The following DNAH1 variants were observed in gnomAD, a reference collection of about 807,000 sequenced individuals.
DNAH1 encodes the protein dynein axonemal heavy chain 1, also known as axonemal beta dynein heavy chain 1.
In DNAH1, 327 loss-of-function variants were observed where a neutral mutation model predicts 484.3. The observed-to-expected ratio is 0.68, with a 90% confidence interval of 0.62 to 0.74. The LOEUF (loss-of-function observed/expected upper bound fraction) is 0.74. DNAH1 is among the 30% of genes least tolerant of loss of function. DNAH1 has a pLI of 0.00. For synonymous variants in DNAH1, 2,192 were observed against 2,191.9 expected (o/e 1.00, Z 0.00); for missense variants, 5,052 against 5,546.8 (o/e 0.91, Z 2.83).
chr3:52,392,896 G>A lies in DNAH1; in HGVS notation c.10345G>A (p.Val3449Met), dbSNP rs757371106. The change falls in exon 65 of 78, where the codon GTG (valine) becomes ATG (methionine). Residue 3449 changes from valine (V) to methionine (M), a missense_variant. By Grantham distance (21) the Val-to-Met change is conservative. Coordinates refer to ENST00000420323, the MANE Select transcript of DNAH1 (RefSeq NM_015512.5). ...CCTGACGCGCATGGAGTACATACCC[G>A]TGGCCATCCGCACCCAGATCCTCTT... ...IDLTRMEYIPVAIRTQILFFC... is the reference protein window; with the variant it reads ...IDLTRMEYIPMAIRTQILFFC... The A allele has an allele frequency of 5.2e-5, 84 of 1,608,916 alleles. No homozygotes were observed. The highest frequency in any genetic ancestry group is 5.8e-5 in the Non-Finnish European group (68 of 1,178,758).
At chr3:52,335,658 G>C (rs1393814907) in intron 8 of DNAH1, among the ~76,000 whole-genome samples, 1 of 149,362 alleles carries the variant, frequency 6.7e-6, no homozygotes, top group Admixed American at 6.7e-5. Flanking sequence ...TTTTGAGATG[G>C]AGTTTTGTTC....
At chr3:52,349,518 G>A in intron 14 of DNAH1, 98 bp downstream of exon 14, 1 of 1,164,512 alleles carries the variant, frequency 8.6e-7, no homozygotes, top group Non-Finnish European at 1.2e-6. Flanking sequence ...CCCAAGCAGG[G>A]TCTGGGGTGT....
In DNAH1 at chr3:52,399,026, G is replaced by A; in HGVS notation, c.12266G>A (p.Trp4089Ter). The A allele has an allele frequency of 4.3e-6, 7 of 1,614,042 alleles. No homozygotes were observed. The highest frequency in any genetic ancestry group is 1.3e-5 in the African/African-American group (1 of 75,068). Residue 4089 changes from tryptophan (W) to a stop codon, truncating the protein, a stop_gained, in exon 76 of 78, where the codon TGG becomes TAG. Coordinates refer to ENST00000420323, the MANE Select transcript of DNAH1 (RefSeq NM_015512.5). LOFTEE classifies it high-confidence loss of function. The part of the protein sequence containing the change: ...AYPSLKPLSS[W>*]VMDLLQRLDF... ...CCATCGCTCAAGCCTCTGTCATCATGGGTCATGGACCTGCTGCAACGCCTG... is the reference window on the plus strand; with the variant it reads ...CCATCGCTCAAGCCTCTGTCATCATAGGTCATGGACCTGCTGCAACGCCTG...
At chr3:52,356,853 C>A in intron 22 of DNAH1, 75 bp downstream of exon 22, 1 of 1,499,784 alleles carries the variant, frequency 6.7e-7, no homozygotes, top group Non-Finnish European at 9.0e-7. Context: ...GCCTCCTAGT[C>A]TCTTCCCTCC....
intron 2 of DNAH1, 116 bp downstream of exon 2, chr3:52,322,891 ATCTATCCATCTGTCTT>A: frequency 1.1e-6 from 1 of 929,078 alleles, no homozygotes; most frequent in Non-Finnish European, 1.7e-6. Context: ...CTGTCTATCG[ATCTATCCATCTGTCTT>A]TCTATCCATC....
chr3:52,394,636 A>G lies in DNAH1; in HGVS notation c.10798A>G (p.Ile3600Val), dbSNP rs773579487. 1 of 1,584,206 alleles carries G rather than the reference A, an allele frequency of 6.3e-7. No individual in the cohort carries two copies. The highest frequency in any genetic ancestry group is 1.7e-5 in the Admixed American group (1 of 58,600). The part of the protein sequence containing the change: ...FVKHLSEFRV[I>V]FDSLEPHREP... ...GAAGCACCTCTCAGAATTCCGGGTC[A>G]TCTTCGACAGCCTTGAGCCCCACCG... is the stretch of plus-strand genomic sequence containing the variant. The change falls in exon 67 of 78, where the codon ATC (isoleucine) becomes GTC (valine). Residue 3600 changes from isoleucine (I) to valine (V), a missense_variant. Ile to Val is a conservative substitution (Grantham distance 29). This residue lies in a region of DNAH1 where 853 missense variants were observed against 899.0 expected (regional missense o/e 0.95). Transcript: ENST00000420323.
In DNAH1 at chr3:52,364,195, C is replaced by A. The variant is rs1208699060; in HGVS notation, c.5245-443C>A. ...TCACTTACTGTGTAATGAAGAGAAA[C>A]AGGCTGGGGGAAAAAGCATGGTGGT... On this transcript the variant is annotated intron_variant, in intron 32 of 77. Transcript: ENST00000420323. This position sits in a 1 kb window ranked among gnomAD's most constrained non-coding sequence, Gnocchi z 4.2. 6.6e-6 allele frequency among the ~76,000 whole-genome samples: 1 copy of A among 152,148 alleles called. No individual in the cohort carries two copies. Among genetic ancestry groups the A allele is most frequent in the Admixed American group, 6.5e-5 (1 of 15,272 alleles).
chr3:52,332,469 A>G (rs1251965959), intron 8 of DNAH1, 75 bp downstream of exon 8: 3 of 1,561,264 alleles, frequency 1.9e-6, no homozygotes, highest in Non-Finnish European at 2.6e-6. Flanking sequence ...AGTTGGTGCT[A>G]CTCCAGGGTG....
intron 54 of DNAH1, 127 bp from the exon 55 acceptor site, chr3:52,386,033 C>G (rs1704089709): frequency 1.8e-6 from 2 of 1,094,516 alleles, no homozygotes; most frequent in Non-Finnish European, 2.6e-6. Flanking sequence ...ATTCCCAGAC[C>G]TCTCTGGCCT....
rs369746640 is a variant in DNAH1, at chr3:52,363,145, G to A, written c.5244+1G>A. 5.0e-6 allele frequency: 8 copies of A among 1,613,648 alleles called. No individual in the cohort carries two copies. In the Admixed American group the frequency reaches 6.7e-5, roughly 13 times the overall value. On this transcript the variant is annotated splice_donor_variant, in intron 32 of 77. Coordinates refer to ENST00000420323, the MANE Select transcript of DNAH1 (RefSeq NM_015512.5). LOFTEE classifies it high-confidence loss of function. The stretch of plus-strand genomic sequence containing the variant: ...GTCTTCTGAGCAGCTCAGCTCCCAG[G>A]TGTGGTCCTGCCCTGATGGGTTTCC...
rs1027948997 is a variant in DNAH1 at position 52,364,070 on chromosome 3, C to T, written c.5245-568C>T. Among the ~76,000 whole-genome samples the T allele has an allele frequency of 2.0e-5, 3 of 152,194 alleles. No homozygotes were observed. The highest frequency in any genetic ancestry group is 6.5e-5 in the Admixed American group (1 of 15,288). The stretch of plus-strand genomic sequence containing the variant: ...CAGCCTCTTCATGCAGCTCCAAGTC[C>T]GAGATTTCTGGAACATATGCTAGTC... On this transcript the variant is annotated intron_variant, in intron 32 of 77. Coordinates refer to ENST00000420323, the MANE Select transcript of DNAH1 (RefSeq NM_015512.5). This position sits in a 1 kb window ranked among gnomAD's most constrained non-coding sequence, Gnocchi z 4.2.
rs1704698846 is a variant in DNAH1, at chr3:52,397,741, A to G, written c.11822A>G (p.Asn3941Ser). ...YLSYIKSLPL[N>S]DMPEIFGLHD... ...TCCTACATCAAGAGCCTCCCACTCA[A>G]TGATATGCCTGAGATCTTTGGCCTG... is the stretch of plus-strand genomic sequence containing the variant. The change falls in exon 74 of 78, where the codon AAT becomes AGT. Residue 3941 changes from asparagine to serine, a missense_variant. By Grantham distance (46) the Asn-to-Ser change is conservative. Transcript: ENST00000420323. 1.2e-6 allele frequency: 2 copies of G among 1,613,152 alleles called. No homozygotes were observed. The highest frequency in any genetic ancestry group is 1.7e-6 in the Non-Finnish European group (2 of 1,179,378).
In DNAH1 at chr3:52,370,789, C is replaced by T; in HGVS notation, c.6489C>T (p.Thr2163=). 6.2e-7 allele frequency: 1 copy of T among 1,606,562 alleles called. No homozygotes were observed. The highest frequency in any genetic ancestry group is 1.7e-5 in the Admixed American group (1 of 58,908). Residue 2163 remains threonine (T), a synonymous_variant, in exon 41 of 78, where the codon ACC becomes ACT. Transcript: ENST00000420323. ...TGGAGGACGCGGGCATCAGTGGCAC[C>T]AACGACAGTGAGGATGAAGAGGAGG... ...YRLEDAGISG[T]NDSEDEEEEY...
Position 52,362,301 on chromosome 3 carries a change from C to A in DNAH1, c.4981-87C>A. On this transcript the variant is annotated intron_variant, in intron 30 of 77. Coordinates refer to ENST00000420323, the MANE Select transcript of DNAH1 (RefSeq NM_015512.5). This position sits in a 1 kb window ranked among gnomAD's most constrained non-coding sequence, Gnocchi z 5.1. ...CTACCAGCTACAGCCAGGACAGGGG[C>A]ATCAACAGGGGACAAGGGGCCCACT... is the stretch of plus-strand genomic sequence containing the variant. 9.3e-7 allele frequency: 1 copy of A among 1,074,546 alleles called. No homozygotes were observed. Among genetic ancestry groups the A allele is most frequent in the Non-Finnish European group, 1.4e-6 (1 of 716,040 alleles). The allele number at this position is 1,074,546 out of a possible 1,614,324, so 66.6% of individuals were successfully genotyped here.
In DNAH1 at chr3:52,397,026, GCCTACCTA is replaced by G. The variant is rs751048234; in HGVS notation, c.11771_11778del (p.Pro3924ArgfsTer16). 6.2e-7 allele frequency: 1 copy of G among 1,607,064 alleles called. No homozygotes were observed. On this transcript the variant is annotated frameshift_variant, in exon 73 of 78. Coordinates refer to ENST00000420323, the MANE Select transcript of DNAH1 (RefSeq NM_015512.5). LOFTEE classifies it high-confidence loss of function. ...CCTCGGGCATCTACCACCAGATCCC[GCCTACCTA>G]CGACCTCCACGTGAGTCCAGCCCAA...
chr3:52,358,427 CG>C lies in DNAH1; in HGVS notation c.4087-125del, dbSNP rs1226921634. The C allele has an allele frequency of 2.9e-6, 3 of 1,028,070 alleles. No individual in the cohort carries two copies. Among genetic ancestry groups the C allele is most frequent in the Non-Finnish European group, 4.1e-6 (3 of 724,690 alleles). The allele number at this position is 1,028,070 out of a possible 1,614,324, so 63.7% of individuals were successfully genotyped here. The stretch of plus-strand genomic sequence containing the variant: ...GGAAGGCCCAGCCAAGATAGACTCT[CG>C]GGGGGACGGGAAGGCAGGGCTTTCT... On this transcript the variant is annotated intron_variant, in intron 24 of 77. Transcript: ENST00000420323. This position sits in a 1 kb window ranked among gnomAD's most constrained non-coding sequence, Gnocchi z 4.2.
rs770347956 is a variant in DNAH1, at chr3:52,349,333, C to T, written c.2439C>T (p.Val813=). 5.0e-6 allele frequency: 8 copies of T among 1,614,020 alleles called. No individual in the cohort carries two copies. In the Admixed American group the frequency reaches 1.2e-4, roughly 24 times the overall value. Residue 813 remains valine (V), a synonymous_variant, in exon 14 of 78, where the codon GTC becomes GTT. Transcript: ENST00000420323. ...IGPFYINTDN[V]KQSLSKKRKA... ...CTTTCTACATCAACACCGACAATGT[C>T]AAGCAGAGCCTGTCCAAGAAACGCA...
chr3:52,392,603 C>A lies in DNAH1; in HGVS notation c.10192C>A (p.Leu3398Ile). ...KDIEDQILYR[L>I]SSSEGNPVDD... ...CATTGAGGACCAGATCCTGTACCGG[C>A]TCAGCTCCTCCGAGGGCAACCCTGT... The change falls in exon 64 of 78, where the codon CTC becomes ATC. Residue 3398 changes from leucine (L) to isoleucine (I), a missense_variant. By Grantham distance (5) the Leu-to-Ile change is conservative. This residue lies in a region of DNAH1 where 2,929 missense variants were observed against 3,409.4 expected (regional missense o/e 0.86). Transcript: ENST00000420323. 2.5e-6 allele frequency: 4 copies of A among 1,613,874 alleles called. No homozygotes were observed. The highest frequency in any genetic ancestry group is 3.4e-6 in the Non-Finnish European group (4 of 1,179,828).
chr3:52,322,834 C>A, intron 2 of DNAH1, 59 bp downstream of exon 2: 1 of 1,361,788 alleles, frequency 7.3e-7, no homozygotes, highest in Non-Finnish European at 1.0e-6. Flanking sequence ...TCCGTTCACC[C>A]ATCCTTTCAT....
Sources: gnomAD v4.1 joint callset for allele counts (sites outside exome capture counted in the v4.1 genomes callset) on GRCh38, gnomAD v4.1.1 for gene constraint, gnomAD v4.1.1 regional missense constraint, Gnocchi (gnomAD v3.1) non-coding constraint, MANE v1.5 for transcripts, NCBI Gene and HGNC (gene_info 2026-07-23, HGNC 2026-07-21) for gene names.